Variants in GPR4 observed in about 807,000 individuals in gnomAD.
GPR4 encodes G-prodeshotein coupled receptor 4.
GPR4 carries 11 observed loss-of-function variants against 17.8 expected under a neutral mutation model. That is an observed-to-expected ratio of 0.62 (90% CI 0.39 to 1.02). The LOEUF is 1.02. GPR4 is among the 50% of genes least tolerant of loss of function. The pLI is 0.00. For missense variants in GPR4, 364 were observed against 495.4 expected (o/e 0.73, Z 2.52); for synonymous variants, 219 against 222.8 (o/e 0.98, Z 0.15).
chr19:45,595,881 T>C (rs1195579402), intron 1 of GPR4, among the ~76,000 whole-genome samples: 1 of 152,100 alleles, frequency 6.6e-6, no homozygotes, highest in African/African-American at 2.4e-5. Context: ...TTAAAACATG[T>C]TAAAAATGGA....
intron 1 of GPR4, among the ~76,000 whole-genome samples, chr19:45,597,995 A>C (rs1263998390): frequency 2.0e-5 from 3 of 152,060 alleles, no homozygotes; most frequent in African/African-American, 7.2e-5. Flanking sequence ...AGGCTGGAAC[A>C]GTGTGATCCA....
intron 1 of GPR4, chr19:45,599,580 C>G (rs1474186767): frequency 6.6e-6 from 1 of 152,258 alleles, no homozygotes; most frequent in African/African-American, 2.4e-5. Flanking sequence ...CCTAACGGCC[C>G]CACTGCACCT....
Position 45,591,524 on chromosome 19 carries a change from G to C in GPR4, c.343C>G (p.Arg115Gly). 1 of 1,609,782 alleles carries C rather than the reference G, an allele frequency of 6.2e-7. No individual in the cohort carries two copies. The highest frequency in any genetic ancestry group is 8.5e-7 in the Non-Finnish European group (1 of 1,178,268). ...IAFLCCISVD[R>G]YLAVAHPLRF... Reference sequence around the variant, plus strand: ...AGTGGGTGGGCCACAGCCAGGTAGCGGTCCACCGAGATGCAGCACAGGAAG... The same window carrying C: ...AGTGGGTGGGCCACAGCCAGGTAGCCGTCCACCGAGATGCAGCACAGGAAG... Residue 115 changes from arginine (R) to glycine (G), a missense_variant, in exon 2 of 2, where the codon CGC becomes GGC. Around this residue, in one of 3 missense-constraint regions of GPR4, gnomAD observed 271 missense variants for 373.1 expected, o/e 0.73. Coordinates refer to ENST00000323040, the MANE Select transcript of GPR4 (RefSeq NM_005282.3). The surrounding 1 kb of genome is among the most constrained non-coding windows in gnomAD (Gnocchi z 7.6).
chr19:45,592,005 G>C lies in GPR4; in HGVS notation c.-139C>G. On this transcript the variant is annotated 5_prime_UTR_variant, in exon 2 of 2. Coordinates refer to ENST00000323040, the MANE Select transcript of GPR4 (RefSeq NM_005282.3). ...ATGGTGGGATGTGGTCTACAGGGAA[G>C]AGATGAGGTTGGGTAGGCTGGGCTG... 1.1e-6 allele frequency: 1 copy of C among 917,456 alleles called. No individual in the cohort carries two copies. The highest frequency in any genetic ancestry group is 2.9e-5 in the East Asian group (1 of 34,616). 56.8% of individuals were successfully genotyped at this position (917,456 alleles called of 1,614,324 possible). A position where few individuals can be genotyped will look rare whatever the true frequency, so the allele number is the denominator to read the frequency against.
chr19:45,594,060 AAAAAT>A (rs1467711121), intron 1 of GPR4, among the ~76,000 whole-genome samples: 1,257 of 47,772 alleles, frequency 0.026, 7 homozygotes, highest in African/African-American at 0.032. Flanking sequence ...AAAAAAAAAA[AAAAAT>A]ATATATATAT....
rs780860923 is a variant in GPR4 at position 45,591,351 on chromosome 19, G to A, written c.516C>T (p.Phe172=). The stretch of plus-strand genomic sequence containing the variant: ...TCCAGGCCACCCAGCCTTCCATGGG[G>A]AACTTCTCAAAGCAGAAGGTGTGGT... ...RYNHTFCFEK[F]PMEGWVAWMN... The change falls in exon 2 of 2, where the codon TTC becomes TTT. Residue 172 remains phenylalanine (F), a synonymous_variant. Coordinates refer to ENST00000323040, the MANE Select transcript of GPR4 (RefSeq NM_005282.3). This position sits in a 1 kb window ranked among gnomAD's most constrained non-coding sequence, Gnocchi z 7.6. 2 of 1,613,342 alleles carry A rather than the reference G, an allele frequency of 1.2e-6. No individual in the cohort carries two copies. Among genetic ancestry groups the A allele is most frequent in the Admixed American group, 1.7e-5 (1 of 59,980 alleles).
rs558966575 is a variant in GPR4, at chr19:45,598,559, G to T, written c.-832+3536C>A. Reference sequence around the variant, plus strand: ...GGCATCTTGCGGATGCTGGACATGGGGGGGAGGGGTGCCCAGACAGCCCTC... The same window carrying T: ...GGCATCTTGCGGATGCTGGACATGGTGGGGAGGGGTGCCCAGACAGCCCTC... On this transcript the variant is annotated intron_variant, in intron 1 of 1. Coordinates refer to ENST00000323040, the MANE Select transcript of GPR4 (RefSeq NM_005282.3). 2.1e-3 allele frequency among the ~76,000 whole-genome samples: 319 copies of T among 152,240 alleles called. 2 individuals are homozygous for T. The highest frequency in any genetic ancestry group is 6.9e-3 in the African/African-American group (287 of 41,546).
chr19:45,598,191 T>G (rs576179544), intron 1 of GPR4, among the ~76,000 whole-genome samples: 1 of 152,200 alleles, frequency 6.6e-6, no homozygotes, highest in East Asian at 1.9e-4. Context: ...GGCACAGGCT[T>G]TATAGTCATC....
chr19:45,595,016 C>T (rs918818994), intron 1 of GPR4, among the ~76,000 whole-genome samples: 7 of 151,306 alleles, frequency 4.6e-5, no homozygotes, highest in Admixed American at 1.3e-4. Flanking sequence ...GTGGCTCACG[C>T]CTGTAATCCC....
rs182893209 is a variant in GPR4, at chr19:45,590,417, G to A, written c.*361C>T. On this transcript the variant is annotated 3_prime_UTR_variant, in exon 2 of 2. Coordinates refer to ENST00000323040, the MANE Select transcript of GPR4 (RefSeq NM_005282.3). ...GCCAGGCATGGTGGCTCACATTTGTGGTCCCAGCTACTCGGGAGGCTGATG... is the reference window on the plus strand; with the variant it reads ...GCCAGGCATGGTGGCTCACATTTGTAGTCCCAGCTACTCGGGAGGCTGATG... 131 of 205,542 alleles carry A rather than the reference G, an allele frequency of 6.4e-4. No homozygotes were observed. The highest frequency in any genetic ancestry group is 2.7e-3 in the African/African-American group (119 of 43,606). 12.7% of individuals were successfully genotyped at this position (205,542 alleles called of 1,614,324 possible).
intron 1 of GPR4, among the ~76,000 whole-genome samples, chr19:45,600,625 G>A (rs146244997): frequency 6.6e-6 from 1 of 152,302 alleles, no homozygotes; most frequent in African/African-American, 2.4e-5. Flanking sequence ...TTGGGCTTCA[G>A]TTGAAAACTG....
chr19:45,601,069 G>T (rs1198572350), intron 1 of GPR4, among the ~76,000 whole-genome samples: 2 of 152,154 alleles, frequency 1.3e-5, no homozygotes, highest in Non-Finnish European at 2.9e-5. Context: ...AGACAGAGGT[G>T]GGGGCGGATA....
chr19:45,595,312 T>A (rs1970046361), intron 1 of GPR4, among the ~76,000 whole-genome samples: 1 of 140,700 alleles, frequency 7.1e-6, no homozygotes, highest in East Asian at 2.0e-4. Context: ...AATAAATAAA[T>A]AAATAAAAAA....
intron 1 of GPR4, among the ~76,000 whole-genome samples, chr19:45,597,685 A>G (rs1283298075): frequency 2.0e-5 from 3 of 152,220 alleles, no homozygotes; most frequent in Non-Finnish European, 2.9e-5. Context: ...GGCATGGAGT[A>G]AAAACATACT....
Position 45,590,893 on chromosome 19 carries a change from G to A in GPR4, c.974C>T (p.Thr325Ile). The change falls in exon 2 of 2, where the codon ACC (threonine) becomes ATC (isoleucine). Residue 325 changes from threonine (T) to isoleucine (I), a missense_variant. Physicochemically the swap from Thr to Ile is moderately conservative, Grantham distance 89. Transcript: ENST00000323040. ...GCTGTTCCTCTTGGAGGTGAGTGGG[G>A]TCTCCAGGGTGAGCGAGGCATTGGC... ...EMANASLTLE[T>I]PLTSKRNSTA... 6.2e-7 allele frequency: 1 copy of A among 1,614,118 alleles called. No homozygotes were observed. The highest frequency in any genetic ancestry group is 8.5e-7 in the Non-Finnish European group (1 of 1,180,038).
At position 45,591,233 on chromosome 19, in the gene GPR4, C is replaced by A; in HGVS notation, c.634G>T (p.Val212Leu). 6.2e-7 allele frequency: 1 copy of A among 1,613,304 alleles called. No homozygotes were observed. The highest frequency in any genetic ancestry group is 8.5e-7 in the Non-Finnish European group (1 of 1,179,950). ...RGILRAVRGSVSTERQEKAKI... is the reference protein window; with the variant it reads ...RGILRAVRGSLSTERQEKAKI... ...GCCTTCTCCTGGCGCTCGGTGGACA[C>A]GCTGCCCCGCACGGCCCGCAGGATG... Residue 212 changes from valine (V) to leucine (L), a missense_variant, in exon 2 of 2, where the codon GTG becomes TTG. Physicochemically the swap from Val to Leu is conservative, Grantham distance 32. Around this residue, in one of 3 missense-constraint regions of GPR4, gnomAD observed 271 missense variants for 373.1 expected, o/e 0.73. Coordinates refer to ENST00000323040, the MANE Select transcript of GPR4 (RefSeq NM_005282.3). This position sits in a 1 kb window ranked among gnomAD's most constrained non-coding sequence, Gnocchi z 7.6.
chr19:45,594,209 G>A (rs1970034040), intron 1 of GPR4, among the ~76,000 whole-genome samples: 2 of 147,018 alleles, frequency 1.4e-5, no homozygotes, highest in Admixed American at 1.4e-4. Flanking sequence ...GGATCATGAG[G>A]TCAAGAGATC....
At chr19:45,595,029 C>T (rs1425484182) in intron 1 of GPR4, among the ~76,000 whole-genome samples, 1 of 151,772 alleles carries the variant, frequency 6.6e-6, no homozygotes, top group Non-Finnish European at 1.5e-5. Flanking sequence ...GTAATCCCAG[C>T]ACTTTGGGAG....
intron 1 of GPR4, among the ~76,000 whole-genome samples, chr19:45,594,046 T>TA (rs1177623997): frequency 0.018 from 915 of 50,290 alleles, 53 homozygotes; most frequent in East Asian, 0.026. Flanking sequence ...ATGCCTGGCT[T>TA]AAAAAAAAAA....
Sources: gnomAD v4.1 joint callset for allele counts (sites outside exome capture counted in the v4.1 genomes callset) on GRCh38, gnomAD v4.1.1 for gene constraint, gnomAD v4.1.1 regional missense constraint, Gnocchi (gnomAD v3.1) non-coding constraint, MANE v1.5 for transcripts, NCBI Gene and HGNC (gene_info 2026-07-23, HGNC 2026-07-21) for gene names.